Variants in PKD1L3 observed in about 807,000 individuals in gnomAD.
PKD1L3 encodes the protein polycystin-1-like protein 3.
A neutral mutation model predicts 184.1 loss-of-function variants in PKD1L3; 239 were observed. The ratio of observed to expected loss-of-function variants is 1.30; its 90% CI spans 1.17 to 1.45. PKD1L3 has a LOEUF of 1.45. Among genes scored for constraint, PKD1L3 ranks in the 40% most tolerant of loss-of-function variants. The pLI, the probability that PKD1L3 is intolerant of heterozygous loss-of-function variation, is 0.00. For missense variants in PKD1L3, 2,660 were observed against 2,067.2 expected, an observed-to-expected ratio of 1.29 and a Z score of -5.56; for synonymous variants, 996 against 778.8, an observed-to-expected ratio of 1.28 and a Z score of -4.64.
In PKD1L3 at chr16:71,963,158, A is replaced by G. The variant is rs943676663; in HGVS notation, c.2612+47T>C. On this transcript the variant is annotated intron_variant, in intron 16 of 29. Transcript: ENST00000620267. Reference sequence around the variant, plus strand: ...AATTCAATCGTGAACAATTCAATTAATAGTGAACATCAATATTCACTGTTA... The same window carrying G: ...AATTCAATCGTGAACAATTCAATTAGTAGTGAACATCAATATTCACTGTTA... 2.7e-6 allele frequency: 4 copies of G among 1,472,534 alleles called. No homozygotes were observed. In the South Asian group the frequency reaches 5.3e-5, roughly 20 times the overall value. 91.2% of individuals were successfully genotyped at this position (1,472,534 alleles called of 1,614,324 possible). A position where few individuals can be genotyped will look rare whatever the true frequency, so the allele number is the denominator to read the frequency against.
chr16:71,983,451 G>A (rs919966303), intron 6 of PKD1L3, among the ~76,000 whole-genome samples: 2 of 152,032 alleles, frequency 1.3e-5, no homozygotes, highest in African/African-American at 4.8e-5. Context: ...TCCACTGAAT[G>A]CCGACAGACT....
rs376698934 is a variant in PKD1L3 at position 71,951,677 on chromosome 16, G to A, written c.3077C>T (p.Pro1026Leu). Residue 1026 changes from proline (P) to leucine (L), a missense_variant, in exon 19 of 30, where the codon CCG (proline) becomes CTG (leucine). Physicochemically the swap from Pro to Leu is moderately conservative, Grantham distance 98. Coordinates refer to ENST00000620267, the MANE Select transcript of PKD1L3 (RefSeq NM_181536.2). ...AGTAATGTCCCAAGAACTCCATGGC[G>A]GCTGCTCACACTTGGAGAGTAGGTA... ...NTYLLSKCEQ[P>L]PWSSWDITKL... The A allele has an allele frequency of 7.3e-5, 114 of 1,551,464 alleles. No individual in the cohort carries two copies. The highest frequency in any genetic ancestry group is 1.7e-4 in the Middle Eastern group (1 of 6,014).
rs2038093442 is a variant in PKD1L3 at position 71,934,180 on chromosome 16, G to A, written c.4614-55C>T. 1.7e-5 allele frequency: 26 copies of A among 1,507,256 alleles called. No homozygotes were observed. The Middle Eastern group carries it at 8.5e-4, about 49-fold the overall frequency. The allele number at this position is 1,507,256 out of a possible 1,614,324, so 93.4% of individuals were successfully genotyped here. Reference sequence around the variant, plus strand: ...GCAAGAAGTATGTGCCTATACTGCAGTTTCCCCAGCGCCCCTGCTGCTGAT... The same window carrying A: ...GCAAGAAGTATGTGCCTATACTGCAATTTCCCCAGCGCCCCTGCTGCTGAT... On this transcript the variant is annotated intron_variant, in intron 26 of 29. Transcript: ENST00000620267.
chr16:71,968,464 A>T (rs2039583710), intron 13 of PKD1L3, among the ~76,000 whole-genome samples: 2 of 152,222 alleles, frequency 1.3e-5, no homozygotes, highest in South Asian at 4.1e-4. Context: ...GGGCAACAAG[A>T]AGTGAACACT....
At chr16:71,931,720 C>T (rs1376944246) in intron 28 of PKD1L3, among the ~76,000 whole-genome samples, 3 of 152,052 alleles carry the variant, frequency 2.0e-5, no homozygotes, top group Non-Finnish European at 4.4e-5. Context: ...CCACCTTGGC[C>T]TTCTAGAGTG....
At position 71,930,108 on chromosome 16, in the gene PKD1L3, T is replaced by A; in HGVS notation, c.5002A>T (p.Asn1668Tyr). The change falls in exon 29 of 30, where the codon AAT becomes TAT. Residue 1668 changes from asparagine to tyrosine, a missense_variant. By Grantham distance (143) the Asn-to-Tyr change is moderately radical. Coordinates refer to ENST00000620267, the MANE Select transcript of PKD1L3 (RefSeq NM_181536.2). ...SVILMVLVVI[N>Y]LFVSAILMAF... ...ATGAGAATGGCCGAAACGAAAAGAT[T>A]AATTACCACAAGTACCATCAAGATG... is the stretch of plus-strand genomic sequence containing the variant. 6.4e-7 allele frequency: 1 copy of A among 1,551,588 alleles called. No individual in the cohort carries two copies. Among genetic ancestry groups the A allele is most frequent in the Non-Finnish European group, 8.7e-7 (1 of 1,146,900 alleles).
In PKD1L3 at chr16:71,969,923, C is replaced by T. The variant is rs991723454; in HGVS notation, c.2136G>A (p.Val712=). 1.3e-6 allele frequency: 2 copies of T among 1,551,890 alleles called. No homozygotes were observed. The highest frequency in any genetic ancestry group is 1.4e-5 in the African/African-American group (1 of 73,012). The change falls in exon 13 of 30, where the codon GTG becomes GTA. Residue 712 remains valine (V), a synonymous_variant. Coordinates refer to ENST00000620267, the MANE Select transcript of PKD1L3 (RefSeq NM_181536.2). ...SLLASLLGFY[V]ITVVWARKKD... The stretch of plus-strand genomic sequence containing the variant: ...TTTTCCGAGCCCACACAACTGTGAT[C>T]ACATAAAATCCTAAAAGGCTGGCCA...
Position 71,982,165 on chromosome 16 carries a change from C to G in PKD1L3, c.1037G>C (p.Ser346Thr). 6.4e-7 allele frequency: 1 copy of G among 1,551,026 alleles called. No individual in the cohort carries two copies. The highest frequency in any genetic ancestry group is 1.2e-5 in the South Asian group (1 of 84,022). Residue 346 changes from serine to threonine, a missense_variant, in exon 7 of 30, where the codon AGT (serine) becomes ACT (threonine). Ser to Thr is a moderately conservative substitution (Grantham distance 58, BLOSUM62 1). Coordinates refer to ENST00000620267, the MANE Select transcript of PKD1L3 (RefSeq NM_181536.2). The stretch of plus-strand genomic sequence containing the variant: ...AGTTGGAGGAACTTTGAAGCCCAGA[C>G]TGTTGTTGTTCTGAAATGGGATCCT... The part of the protein sequence containing the change: ...LLRIPFQNNN[S>T]LGFKVPPTVC...
In PKD1L3 at chr16:71,951,524, G is replaced by A; in HGVS notation, c.3190+40C>T. On this transcript the variant is annotated intron_variant, in intron 19 of 29. Coordinates refer to ENST00000620267, the MANE Select transcript of PKD1L3 (RefSeq NM_181536.2). ...TAAGACATATGCAAGGGAGTGGGAG[G>A]CAGATGGAAGATTCGTTACTGAAAT... 4 of 1,514,884 alleles carry A rather than the reference G, an allele frequency of 2.6e-6. No homozygotes were observed. In the South Asian group the frequency reaches 3.7e-5, roughly 14 times the overall value. 93.8% of individuals were successfully genotyped at this position (1,514,884 alleles called of 1,614,324 possible).
chr16:71,967,989 C>A lies in PKD1L3; in HGVS notation c.2203G>T (p.Ala735Ser). 6.4e-7 allele frequency: 1 copy of A among 1,551,336 alleles called. No individual in the cohort carries two copies. The highest frequency in any genetic ancestry group is 8.7e-7 in the Non-Finnish European group (1 of 1,146,738). The change falls in exon 14 of 30, where the codon GCT (alanine) becomes TCT (serine). Residue 735 changes from alanine (A) to serine (S), a missense_variant. Transcript: ENST00000620267. The part of the protein sequence containing the change: ...DMQKVKVTVL[A>S]DNDPSAQFHY... ...AATTGAGCGCTGGGGTCATTATCAGCCAGGACAGTGACCTTCACCTGCAAG... is the reference window on the plus strand; with the variant it reads ...AATTGAGCGCTGGGGTCATTATCAGACAGGACAGTGACCTTCACCTGCAAG...
intron 1 of PKD1L3, among the ~76,000 whole-genome samples, chr16:71,999,381 T>A (rs2040895593): frequency 6.6e-6 from 1 of 152,196 alleles, no homozygotes; most frequent in East Asian, 1.9e-4. Flanking sequence ...TGAAGAGATG[T>A]TTATTAGGAA....
At chr16:71,943,564 A>C (rs1209799204) in intron 23 of PKD1L3, among the ~76,000 whole-genome samples, 1 of 150,884 alleles carries the variant, frequency 6.6e-6, no homozygotes, top group Non-Finnish European at 1.5e-5. Flanking sequence ...AAAAACATAA[A>C]ATCCCGCACA....
At chr16:71,962,170 C>T (rs1173431104) in intron 16 of PKD1L3, among the ~76,000 whole-genome samples, 1 of 151,920 alleles carries the variant, frequency 6.6e-6, no homozygotes, top group Non-Finnish European at 1.5e-5. Context: ...GTGATTTGTC[C>T]ACCTCGGCCT....
rs1435725490 is a variant in PKD1L3 at position 72,000,057 on chromosome 16, G to C, written c.-79C>G. ...TTTAAATATATATATTGGCGGGCTT[G>C]TCTTATTAGTATTATTCTTTTATGA... On this transcript the variant is annotated 5_prime_UTR_variant, in exon 1 of 30. Coordinates refer to ENST00000620267, the MANE Select transcript of PKD1L3 (RefSeq NM_181536.2). 26 of 1,169,284 alleles carry C rather than the reference G, an allele frequency of 2.2e-5. No individual in the cohort carries two copies. The highest frequency in any genetic ancestry group is 2.8e-5 in the Non-Finnish European group (24 of 861,098). The allele number at this position is 1,169,284 out of a possible 1,614,324, so 72.4% of individuals were successfully genotyped here.
intron 13 of PKD1L3, 50 bp from the exon 14 acceptor site, chr16:71,968,057 G>C (rs764460643): frequency 7.3e-5 from 105 of 1,431,364 alleles, no homozygotes; most frequent in Non-Finnish European, 9.0e-5. Context: ...ACTTGGTATA[G>C]TTCCTGCCTC....
intron 13 of PKD1L3, 87 bp downstream of exon 13, chr16:71,969,788 C>T: frequency 1.6e-6 from 2 of 1,214,142 alleles, no homozygotes; most frequent in South Asian, 1.6e-5. Context: ...AGGCTTCCTG[C>T]TGCTTTTGAC....
At chr16:71,966,427 T>C (rs562131020) in intron 15 of PKD1L3, among the ~76,000 whole-genome samples, 61 of 151,930 alleles carry the variant, frequency 4.0e-4, no homozygotes, top group Non-Finnish European at 8.1e-4. Context: ...TCTTGACTTT[T>C]TTTTTTTTTT....
chr16:71,989,359 G>T (rs2040499601), intron 4 of PKD1L3, among the ~76,000 whole-genome samples: 2 of 152,152 alleles, frequency 1.3e-5, no homozygotes, highest in Non-Finnish European at 2.9e-5. Context: ...CACCATGTTG[G>T]CCAGGCTGGT....
Position 71,986,470 on chromosome 16 carries a change from C to T in PKD1L3, c.586-1G>A, listed in dbSNP as rs141399030. The T allele has an allele frequency of 7.9e-4, 1,223 of 1,546,138 alleles. 2 individuals are homozygous for T. Among genetic ancestry groups the T allele is most frequent in the Non-Finnish European group, 9.5e-4 (1,091 of 1,143,796 alleles). ...TGATGGGATGACACAGGGTCTTGGA[C>T]TAAAAGATAAAAATATGTAAAGGAA... On this transcript the variant is annotated splice_acceptor_variant, in intron 4 of 29. Coordinates refer to ENST00000620267, the MANE Select transcript of PKD1L3 (RefSeq NM_181536.2). LOFTEE classifies it high-confidence loss of function.
Sources: allele counts gnomAD v4.1 joint callset (sites outside exome capture counted in the v4.1 genomes callset), GRCh38; gene constraint gnomAD v4.1.1; transcripts MANE v1.5; gene names NCBI Gene and HGNC (gene_info 2026-07-23, HGNC 2026-07-21).